Variants in COL24A1 observed in about 807,000 individuals in gnomAD.
The protein encoded by COL24A1 is collagen alpha-1(XXIV) chain.
In COL24A1, 224 loss-of-function variants were observed where a neutral mutation model predicts 253.9. The ratio of observed to expected loss-of-function variants is 0.88; its 90% CI spans 0.79 to 0.99. The LOEUF (loss-of-function observed/expected upper bound fraction) is 0.99, where lower values mean the gene tolerates loss of function less well. Ranked by LOEUF, COL24A1 falls within the 50% of genes least tolerant of loss-of-function variation. The probability of loss-of-function intolerance (pLI) is 0.00; values close to 1 mark genes in which losing one functional copy is unlikely to be tolerated. For missense variants in COL24A1, 2,131 were observed against 2,068.5 expected (o/e 1.03, Z -0.59); for synonymous variants, 685 against 673.7 (o/e 1.02, Z -0.26).
chr1:85,766,846 C>T (rs1667433507), intron 53 of COL24A1, among the ~76,000 whole-genome samples: 1 of 152,094 alleles, frequency 6.6e-6, no homozygotes, highest in South Asian at 2.1e-4. Flanking sequence ...TGGCTCACGC[C>T]TGTAATCCCA....
At chr1:86,063,916 CTTTA>C (rs1285812813) in intron 7 of COL24A1, among the ~76,000 whole-genome samples, 157 bp from the exon 8 acceptor site, 9 of 151,740 alleles carry the variant, frequency 5.9e-5, no homozygotes, top group East Asian at 5.8e-4. Flanking sequence ...ATTTAATCTT[CTTTA>C]TTTAATAAGA....
chr1:85,945,297 G>GAT (rs1335467938), intron 24 of COL24A1, among the ~76,000 whole-genome samples: 1 of 151,450 alleles, frequency 6.6e-6, no homozygotes, highest in Non-Finnish European at 1.5e-5. Context: ...GGGATTACAG[G>GAT]TGTGAGCCAC....
Position 86,112,552 on chromosome 1 carries a change from T to C in COL24A1, c.1599+15A>G. On this transcript the variant is annotated intron_variant, in intron 5 of 59. Transcript: ENST00000370571. The stretch of plus-strand genomic sequence containing the variant: ...ATACTCATTAGCTTAAGTTGCCTGA[T>C]TAGTAGTCACTTACCTTTGGACCAG... 6.2e-7 allele frequency: 1 copy of C among 1,609,472 alleles called. No individual in the cohort carries two copies. Among genetic ancestry groups the C allele is most frequent in the South Asian group, 1.1e-5 (1 of 90,258 alleles).
chr1:85,872,001 A>G (rs549221101), intron 35 of COL24A1, among the ~76,000 whole-genome samples: 6 of 152,194 alleles, frequency 3.9e-5, no homozygotes, highest in Admixed American at 3.9e-4. Flanking sequence ...TCAGCAAAGT[A>G]TCAGGATACA....
intron 1 of COL24A1, among the ~76,000 whole-genome samples, chr1:86,148,591 T>A (rs896702471): frequency 2.0e-5 from 3 of 150,216 alleles, no homozygotes; most frequent in Non-Finnish European, 3.0e-5. Flanking sequence ...TGAGTGAGAA[T>A]ATGCAGTGTT....
At chr1:85,985,655 T>G (rs1558900978) in intron 20 of COL24A1, among the ~76,000 whole-genome samples, 1 of 151,762 alleles carries the variant, frequency 6.6e-6, no homozygotes, top group African/African-American at 2.4e-5. Flanking sequence ...ACTACAAGAT[T>G]GGCACTGAGA....
chr1:85,759,023 A>C (rs1666568072), intron 55 of COL24A1, among the ~76,000 whole-genome samples: 1 of 152,068 alleles, frequency 6.6e-6, no homozygotes, highest in Non-Finnish European at 1.5e-5. Context: ...ATTTGCTCTA[A>C]AAATAATCCT....
chr1:85,937,930 AAAT>A lies in COL24A1; in HGVS notation c.2562+23316_2562+23318del, dbSNP rs1293914877. Among the ~76,000 whole-genome samples the A allele has an allele frequency of 1.2e-4, 17 of 147,512 alleles. 3 individuals carry two copies. The highest frequency in any genetic ancestry group is 2.7e-4 in the Admixed American group (4 of 14,708). Reference sequence around the variant, plus strand: ...TCTAATTTACCATATGGGATCCCCAAAATATTATGTCAGAGCAGGGGACTCATT... The same window carrying A: ...TCTAATTTACCATATGGGATCCCCAAATTATGTCAGAGCAGGGGACTCATT... On this transcript the variant is annotated intron_variant, in intron 24 of 59. Transcript: ENST00000370571.
At chr1:85,854,675 C>A (rs1051633615) in intron 37 of COL24A1, among the ~76,000 whole-genome samples, 4 of 150,298 alleles carry the variant, frequency 2.7e-5, no homozygotes, top group African/African-American at 9.8e-5. Context: ...TTGTAGAGAT[C>A]TTTCACCTCC....
At chr1:86,014,696 A>G (rs1696841958) in intron 19 of COL24A1, among the ~76,000 whole-genome samples, 2 of 152,120 alleles carry the variant, frequency 1.3e-5, no homozygotes, top group South Asian at 2.1e-4. Flanking sequence ...ATTGCCTTTT[A>G]TTCCTCTCTC....
chr1:85,741,128 A>T (rs1458126311), intron 57 of COL24A1, among the ~76,000 whole-genome samples: 4 of 151,122 alleles, frequency 2.6e-5, no homozygotes, highest in African/African-American at 9.7e-5. Flanking sequence ...CAAAAAAAAA[A>T]AAAAGAAAAG....
At chr1:85,950,437 G>A (rs146246583) in intron 24 of COL24A1, among the ~76,000 whole-genome samples, 68 of 152,288 alleles carry the variant, frequency 4.5e-4, no homozygotes, top group Admixed American at 7.2e-4. Context: ...CTGGTAACTG[G>A]AGAGTGTGGT....
intron 4 of COL24A1, among the ~76,000 whole-genome samples, chr1:86,114,504 G>T (rs1705933753): frequency 6.6e-6 from 1 of 152,076 alleles, no homozygotes. Context: ...GAACGAGCAA[G>T]GTTTAGAAGG....
chr1:85,937,038 A>T (rs1688300648), intron 24 of COL24A1, among the ~76,000 whole-genome samples: 1 of 147,462 alleles, frequency 6.8e-6, no homozygotes, highest in Non-Finnish European at 1.5e-5. Flanking sequence ...CAGACTGCAT[A>T]AGCAAGTTGT....
chr1:85,822,909 T>C (rs1673809124), intron 45 of COL24A1, among the ~76,000 whole-genome samples: 1 of 152,182 alleles, frequency 6.6e-6, no homozygotes, highest in South Asian at 2.1e-4. Flanking sequence ...TTCAGCAAAA[T>C]TCTTGTTAGG....
At chr1:85,767,005 G>C (rs188797476) in intron 53 of COL24A1, among the ~76,000 whole-genome samples, 1 of 151,958 alleles carries the variant, frequency 6.6e-6, no homozygotes, top group Non-Finnish European at 1.5e-5. Flanking sequence ...TCAGGAGGCC[G>C]AGGCAGGAGA....
intron 22 of COL24A1, among the ~76,000 whole-genome samples, chr1:85,967,872 A>G (rs2100736132): frequency 6.6e-6 from 1 of 152,310 alleles, no homozygotes; most frequent in South Asian, 2.1e-4. Context: ...GGATTGAAGG[A>G]TACAAAGTAT....
intron 5 of COL24A1, among the ~76,000 whole-genome samples, chr1:86,097,889 C>A (rs1165805901): frequency 1.3e-5 from 2 of 152,046 alleles, no homozygotes; most frequent in Admixed American, 1.3e-4. Context: ...TAAATCTCCA[C>A]TTGGATGTTA....
chr1:86,056,117 C>CA (rs10714167), intron 10 of COL24A1, among the ~76,000 whole-genome samples: 115 of 138,184 alleles, frequency 8.3e-4, no homozygotes, highest in South Asian at 1.6e-3. Flanking sequence ...GACTCTGTTT[C>CA]AAAAAAAAAA....
Sources: gnomAD v4.1 joint callset for allele counts (sites outside exome capture counted in the v4.1 genomes callset) on GRCh38, gnomAD v4.1.1 for gene constraint, MANE v1.5 for transcripts, NCBI Gene and HGNC (gene_info 2026-07-23, HGNC 2026-07-21) for gene names.